The following CDK19 variants were observed in gnomAD, a reference collection of about 807,000 sequenced individuals.
The protein encoded by CDK19 is cyclin-dependent kinase 19.
A neutral mutation model predicts 68.3 loss-of-function variants in CDK19; 20 were observed. The observed-to-expected ratio is 0.29, with a 90% CI of 0.21 to 0.43. The LOEUF (loss-of-function observed/expected upper bound fraction) is 0.43, where lower values mean the gene tolerates loss of function less well. CDK19 is among the 20% of genes least tolerant of loss of function. The probability of loss-of-function intolerance (pLI) is 1.00; values close to 1 mark genes in which losing one functional copy is unlikely to be tolerated. For missense variants in CDK19, 339 were observed against 623.5 expected, an observed-to-expected ratio of 0.54 and a Z score of 4.86; for synonymous variants, 221 against 222.8, an observed-to-expected ratio of 0.99 and a Z score of 0.07.
chr6:110,642,627 G>A (rs1446001578), intron 4 of CDK19, among the ~76,000 whole-genome samples: 1 of 152,170 alleles, frequency 6.6e-6, no homozygotes, highest in Non-Finnish European at 1.5e-5. Flanking sequence ...AGTGCTCTGA[G>A]GGACCCTCCC....
chr6:110,809,108 G>A (rs531565112), intron 1 of CDK19, among the ~76,000 whole-genome samples: 15 of 151,918 alleles, frequency 9.9e-5, no homozygotes, highest in South Asian at 4.2e-4. Flanking sequence ...CCAGCTACTC[G>A]GGAGGCTGAG....
chr6:110,705,985 T>C (rs947864037), intron 2 of CDK19, among the ~76,000 whole-genome samples: 3 of 152,102 alleles, frequency 2.0e-5, no homozygotes, highest in Non-Finnish European at 4.4e-5. Context: ...ATCCCAGAAC[T>C]TAAAGTATAA....
intron 2 of CDK19, chr6:110,700,544 G>C (rs1773906206): frequency 6.6e-6 from 1 of 152,202 alleles, no homozygotes. Flanking sequence ...AGGTCAGTAA[G>C]GAAGCTGTGC....
intron 3 of CDK19, among the ~76,000 whole-genome samples, chr6:110,669,071 T>G (rs1225875024): frequency 6.6e-6 from 1 of 152,164 alleles, no homozygotes; most frequent in Non-Finnish European, 1.5e-5. Context: ...CCCACTGATG[T>G]TCAAAGTAAA....
intron 1 of CDK19, among the ~76,000 whole-genome samples, chr6:110,789,075 C>T (rs994445677): frequency 1.3e-5 from 2 of 152,030 alleles, no homozygotes; most frequent in South Asian, 4.1e-4. Context: ...GCATTTTAAG[C>T]GTGTATCTGC....
At chr6:110,646,491 G>C in intron 4 of CDK19, 1 of 1,436,634 alleles carries the variant, frequency 7.0e-7, no homozygotes, top group Admixed American at 2.6e-5. Flanking sequence ...AGCTCGTTCT[G>C]TGCCAGCGTG....
chr6:110,735,912 G>C (rs932886908), intron 2 of CDK19, among the ~76,000 whole-genome samples: 2 of 152,150 alleles, frequency 1.3e-5, no homozygotes, highest in Admixed American at 1.3e-4. Context: ...TTAGAGGGTG[G>C]AGCTGAGAAT....
chr6:110,776,851 G>A (rs1164784054), intron 1 of CDK19, among the ~76,000 whole-genome samples: 1 of 152,180 alleles, frequency 6.6e-6, no homozygotes, highest in African/African-American at 2.4e-5. Context: ...AATGTTTGAT[G>A]TGCCAGGCAC....
At chr6:110,619,027 T>A (rs1283895671) in intron 12 of CDK19, among the ~76,000 whole-genome samples, 1 of 152,114 alleles carries the variant, frequency 6.6e-6, no homozygotes, top group Non-Finnish European at 1.5e-5. Flanking sequence ...GAAAGGAAAG[T>A]TTTTCCCTTG....
At chr6:110,737,920 C>T (rs1050362195) in intron 2 of CDK19, among the ~76,000 whole-genome samples, 1 of 152,130 alleles carries the variant, frequency 6.6e-6, no homozygotes, top group African/African-American at 2.4e-5. Flanking sequence ...ACAAGGATCA[C>T]ACCAAAGAAC....
chr6:110,676,429 C>T (rs1033209648), intron 2 of CDK19, among the ~76,000 whole-genome samples: 3 of 152,144 alleles, frequency 2.0e-5, no homozygotes, highest in Non-Finnish European at 2.9e-5. Context: ...TTTGAGAGGA[C>T]TGACTCAAAT....
At chr6:110,761,711 TG>T (rs1779246153) in intron 1 of CDK19, among the ~76,000 whole-genome samples, 1 of 152,196 alleles carries the variant, frequency 6.6e-6, no homozygotes, top group African/African-American at 2.4e-5. Context: ...CATTTAAGGA[TG>T]TTTTTCATTT....
intron 4 of CDK19, among the ~76,000 whole-genome samples, chr6:110,657,749 A>C (rs542809062): frequency 2.6e-5 from 4 of 152,174 alleles, no homozygotes; most frequent in Non-Finnish European, 5.9e-5. Flanking sequence ...CAGGCCACTA[A>C]AACTTTATGC....
intron 1 of CDK19, among the ~76,000 whole-genome samples, chr6:110,763,220 A>G (rs954521505): frequency 1.3e-5 from 2 of 152,210 alleles, no homozygotes; most frequent in African/African-American, 4.8e-5. Flanking sequence ...ATAAAAGTTA[A>G]GGCAAAGTGA....
intron 12 of CDK19, among the ~76,000 whole-genome samples, chr6:110,620,894 C>T (rs1310004437): frequency 6.6e-6 from 1 of 152,178 alleles, no homozygotes; most frequent in Non-Finnish European, 1.5e-5. Context: ...CTACCTTCCT[C>T]TCCTCGGGTG....
rs1318329838 is a variant in CDK19, at chr6:110,621,607, T to C, written c.1111-237A>G. Among the ~76,000 whole-genome samples the C allele has an allele frequency of 6.6e-6, 1 of 152,144 alleles. No individual in the cohort carries two copies. Among genetic ancestry groups the C allele is most frequent in the African/African-American group, 2.4e-5 (1 of 41,424 alleles). The stretch of plus-strand genomic sequence containing the variant: ...GAAGTTCATTTAGACTGCACAGTGA[T>C]CCTCCAAATCAGTCACAGACATCTC... On this transcript the variant is annotated intron_variant, in intron 11 of 12. Transcript: ENST00000368911. This position sits in a 1 kb window ranked among gnomAD's most constrained non-coding sequence, Gnocchi z 5.4.
chr6:110,773,961 G>A (rs1269647141), intron 1 of CDK19: 1 of 152,088 alleles, frequency 6.6e-6, no homozygotes, highest in Non-Finnish European at 1.5e-5. Flanking sequence ...AGAGGCAAAA[G>A]GCAGAGAAGT....
chr6:110,788,255 T>C (rs1019982272), intron 1 of CDK19, among the ~76,000 whole-genome samples: 2 of 152,102 alleles, frequency 1.3e-5, no homozygotes, highest in African/African-American at 4.8e-5. Flanking sequence ...CTCAAACTCC[T>C]GGGATCAAGT....
intron 1 of CDK19, among the ~76,000 whole-genome samples, chr6:110,807,994 C>T (rs2115144235): frequency 6.6e-6 from 1 of 152,166 alleles, no homozygotes; most frequent in South Asian, 2.1e-4. Context: ...ATTGATAGTT[C>T]TTCAAGTATT....
Sources: gnomAD v4.1 joint callset for allele counts (sites outside exome capture counted in the v4.1 genomes callset) on GRCh38, gnomAD v4.1.1 for gene constraint, Gnocchi (gnomAD v3.1) non-coding constraint, MANE v1.5 for transcripts, NCBI Gene and HGNC (gene_info 2026-07-23, HGNC 2026-07-21) for gene names.